KHDRBS2: variants seen among roughly 807,000 people sequenced by gnomAD.
The protein encoded by KHDRBS2 is KH RNA binding domain containing, signal transduction associated 2, also known as KH domain-containing, RNA-binding, signal transduction-associated protein 2.
In KHDRBS2, 26 loss-of-function variants were observed where a neutral mutation model predicts 44.3. The ratio of observed to expected loss-of-function variants is 0.59; its 90% CI spans 0.43 to 0.81. KHDRBS2 has a LOEUF of 0.81. Among genes scored for constraint, KHDRBS2 ranks in the 40% least tolerant of loss-of-function variants. KHDRBS2 has a pLI of 0.00. For synonymous variants in KHDRBS2, 194 were observed against 151.1 expected (o/e 1.28, Z -2.08); for missense variants, 476 against 433.1 (o/e 1.10, Z -0.88).
chr6:61,690,856 T>C (rs1482757320), intron 8 of KHDRBS2, among the ~76,000 whole-genome samples: 4 of 152,042 alleles, frequency 2.6e-5, no homozygotes, highest in African/African-American at 9.7e-5. Context: ...TACAATTTGG[T>C]CTTATTACTG....
At chr6:61,788,791 G>A (rs1027102986) in intron 6 of KHDRBS2, among the ~76,000 whole-genome samples, 1 of 150,564 alleles carries the variant, frequency 6.6e-6, no homozygotes, top group African/African-American at 2.4e-5. Context: ...GCCATTCCTA[G>A]GAAGTAAAAT....
At chr6:61,718,833 C>T (rs7773176) in intron 7 of KHDRBS2, among the ~76,000 whole-genome samples, 5 of 152,094 alleles carry the variant, frequency 3.3e-5, no homozygotes, top group African/African-American at 1.2e-4. Flanking sequence ...TGGTACTCGT[C>T]CACTGAAAAT....
At chr6:61,747,772 T>C (rs1324254063) in intron 6 of KHDRBS2, among the ~76,000 whole-genome samples, 1 of 152,172 alleles carries the variant, frequency 6.6e-6, no homozygotes, top group Non-Finnish European at 1.5e-5. Context: ...CTTTAACCTC[T>C]GGTACATAAG....
intron 2 of KHDRBS2, among the ~76,000 whole-genome samples, chr6:62,109,150 G>A (rs1235060088): frequency 2.7e-5 from 4 of 150,876 alleles, no homozygotes; most frequent in Non-Finnish European, 3.0e-5. Flanking sequence ...AACAAGGGAC[G>A]GTTGTCCTAG....
intron 2 of KHDRBS2, among the ~76,000 whole-genome samples, chr6:62,096,265 T>C (rs903910377): frequency 6.6e-6 from 1 of 151,990 alleles, no homozygotes; most frequent in Admixed American, 6.6e-5. Context: ...TTCAGTTTTT[T>C]GTTGTTGTTG....
the KHDRBS2 span, among the ~76,000 whole-genome samples, chr6:61,667,006 T>TC: frequency 1.3e-5 from 2 of 150,794 alleles, no homozygotes; most frequent in African/African-American, 4.8e-5. Context: ...TTTTTTTTTT[T>TC]TCTCAAAAGA....
chr6:61,917,709 T>A (rs1807283805), intron 4 of KHDRBS2, among the ~76,000 whole-genome samples: 1 of 151,938 alleles, frequency 6.6e-6, no homozygotes, highest in African/African-American at 2.4e-5. Flanking sequence ...TGCAGGTTGT[T>A]GATGGTAGGG....
chr6:61,992,008 C>A (rs1776230325), intron 3 of KHDRBS2, among the ~76,000 whole-genome samples: 1 of 152,272 alleles, frequency 6.6e-6, no homozygotes, highest in East Asian at 1.9e-4. Flanking sequence ...AAGTAAGCAC[C>A]ATTAGGACCT....
chr6:61,757,539 G>A (rs768543300), intron 6 of KHDRBS2, among the ~76,000 whole-genome samples: 3 of 152,062 alleles, frequency 2.0e-5, no homozygotes, highest in Admixed American at 6.5e-5. Context: ...GACAATCTAT[G>A]GGTTTTAACT....
chr6:61,723,282 G>T (rs566057004), intron 7 of KHDRBS2, among the ~76,000 whole-genome samples: 3 of 152,126 alleles, frequency 2.0e-5, no homozygotes, highest in South Asian at 2.1e-4. Flanking sequence ...AGATGAGAAA[G>T]AATCAATGCA....
chr6:61,579,916 G>T, the KHDRBS2 span, among the ~76,000 whole-genome samples: 1 of 149,628 alleles, frequency 6.7e-6, no homozygotes, highest in African/African-American at 2.5e-5. Context: ...AATTAGCCAG[G>T]TGTGGTGGCA....
chr6:62,167,759 C>T (rs1010526205), intron 2 of KHDRBS2, among the ~76,000 whole-genome samples: 6 of 152,112 alleles, frequency 3.9e-5, no homozygotes, highest in African/African-American at 1.4e-4. Flanking sequence ...CTGTAAGCTA[C>T]AGAGTGGCTT....
At chr6:62,088,685 AC>A (rs2127361379) in intron 2 of KHDRBS2, among the ~76,000 whole-genome samples, 1 of 152,210 alleles carries the variant, frequency 6.6e-6, no homozygotes, top group Admixed American at 6.5e-5. Flanking sequence ...GGGGACAGGG[AC>A]CCACTTGGGG....
chr6:61,603,278 G>A, the KHDRBS2 span, among the ~76,000 whole-genome samples: 2 of 152,038 alleles, frequency 1.3e-5, no homozygotes, highest in African/African-American at 2.4e-5. Flanking sequence ...TATCCACCAC[G>A]TGGTGCCAAA....
intron 7 of KHDRBS2, among the ~76,000 whole-genome samples, chr6:61,712,268 G>T (rs1369126701): frequency 1.3e-5 from 2 of 151,812 alleles, no homozygotes; most frequent in Non-Finnish European, 2.9e-5. Flanking sequence ...CACAGCAAAG[G>T]TCATGAAAGT....
At chr6:61,882,724 A>C (rs561255893) in intron 6 of KHDRBS2, among the ~76,000 whole-genome samples, 1 of 152,152 alleles carries the variant, frequency 6.6e-6, no homozygotes, top group East Asian at 1.9e-4. Context: ...TTTCTGATAG[A>C]AGGATTTAGC....
chr6:61,611,145 A>G, the KHDRBS2 span, among the ~76,000 whole-genome samples: 2 of 152,224 alleles, frequency 1.3e-5, no homozygotes, highest in African/African-American at 2.4e-5. Flanking sequence ...AAAACAATCA[A>G]TGACATGTAA....
At chr6:62,125,451 G>T (rs551039159) in intron 2 of KHDRBS2, among the ~76,000 whole-genome samples, 1 of 152,294 alleles carries the variant, frequency 6.6e-6, no homozygotes, top group East Asian at 1.9e-4. Flanking sequence ...GGCAAGTCTT[G>T]ATGCTATGTT....
intron 4 of KHDRBS2, among the ~76,000 whole-genome samples, chr6:61,965,768 G>T (rs1769786047): frequency 6.6e-6 from 1 of 151,904 alleles, no homozygotes; most frequent in Admixed American, 6.6e-5. Context: ...GCATTTTCTT[G>T]CAGAGGAGAG....
Sources: allele counts gnomAD v4.1 joint callset (sites outside exome capture counted in the v4.1 genomes callset), GRCh38; gene constraint gnomAD v4.1.1; transcripts MANE v1.5; gene names NCBI Gene and HGNC (gene_info 2026-07-23, HGNC 2026-07-21).